Variants in TUSC3 observed in about 807,000 individuals in gnomAD.
TUSC3 encodes the protein dolichyl-diphosphooligosaccharide--protein glycosyltransferase subunit TUSC3.
Under a neutral mutation model 44.8 loss-of-function variants are expected in TUSC3, and 45 were observed. That is an observed-to-expected ratio of 1.00 (90% CI 0.79 to 1.29). The LOEUF (loss-of-function observed/expected upper bound fraction) is 1.29. Ranked by LOEUF, TUSC3 falls within the 50% of genes most tolerant of loss-of-function variation. The pLI is 0.00. For synonymous variants in TUSC3, 212 were observed against 152.9 expected (o/e 1.39, Z -2.85); for missense variants, 519 against 437.9 (o/e 1.19, Z -1.65).
At chr8:15,571,043 A>C (rs1051706249) in intron 1 of TUSC3, among the ~76,000 whole-genome samples, 1 of 129,148 alleles carries the variant, frequency 7.7e-6, no homozygotes, top group Non-Finnish European at 1.6e-5. Context: ...TGCAACCTCT[A>C]CCTCCTAGGT....
At position 15,699,382 on chromosome 8, in the gene TUSC3, A is replaced by G. The variant is rs185775133; in HGVS notation, c.798+25546A>G. On this transcript the variant is annotated intron_variant, in intron 6 of 10. Coordinates refer to ENST00000503731, the MANE Select transcript of TUSC3 (RefSeq NM_006765.4). ...GCAAACTTTTAGACTGCACTCTCTC[A>G]CCACTGTTTCTTGCTCTGTCTGTAC... Among the ~76,000 whole-genome samples the G allele has an allele frequency of 2.0e-5, 3 of 152,192 alleles. No individual in the cohort carries two copies. In the East Asian group the frequency reaches 5.8e-4, roughly 29 times the overall value.
At chr8:15,560,410 G>C (rs867006578) in intron 1 of TUSC3, among the ~76,000 whole-genome samples, 2 of 142,306 alleles carry the variant, frequency 1.4e-5, no homozygotes, top group Admixed American at 7.0e-5. Context: ...AGGGTAACCC[G>C]ACCTTTCTCT....
chr8:15,590,107 T>A (rs746847198), intron 1 of TUSC3, among the ~76,000 whole-genome samples: 56 of 152,208 alleles, frequency 3.7e-4, no homozygotes, highest in Admixed American at 7.9e-4. Flanking sequence ...TCACAAATTG[T>A]ATTGTAACAG....
At chr8:15,440,777 T>C (rs919778956) in intron 1 of TUSC3, among the ~76,000 whole-genome samples, 2 of 152,208 alleles carry the variant, frequency 1.3e-5, no homozygotes, top group African/African-American at 4.8e-5. Context: ...ATTCCAAAGA[T>C]TGTTCAGGAA....
chr8:15,470,881 C>T (rs1800483150), intron 1 of TUSC3, among the ~76,000 whole-genome samples: 2 of 152,192 alleles, frequency 1.3e-5, no homozygotes, highest in South Asian at 4.2e-4. Flanking sequence ...CTGGCCAGGG[C>T]TGGTTCCTGC....
intron 1 of TUSC3, among the ~76,000 whole-genome samples, chr8:15,574,471 C>T (rs1254982584): frequency 1.3e-5 from 2 of 152,112 alleles, no homozygotes; most frequent in African/African-American, 2.4e-5. Flanking sequence ...CAGACTCTCT[C>T]TTTTGCTTAG....
chr8:15,829,523 C>T, the TUSC3 span, among the ~76,000 whole-genome samples: 31 of 151,632 alleles, frequency 2.0e-4, no homozygotes, highest in African/African-American at 7.5e-4. Flanking sequence ...ATAAATGAGT[C>T]CTTTGTGATA....
At chr8:15,476,699 A>G (rs1453587540) in intron 1 of TUSC3, among the ~76,000 whole-genome samples, 1 of 152,220 alleles carries the variant, frequency 6.6e-6, no homozygotes, top group African/African-American at 2.4e-5. Flanking sequence ...TACCCTCCAC[A>G]GGGTGGGAGC....
rs143839839 is a variant in TUSC3 at position 15,669,275 on chromosome 8, C to T, written c.709-4472C>T. On this transcript the variant is annotated intron_variant, in intron 5 of 10. Transcript: ENST00000503731. ...CCATTGCTGAAACAATTGAATCCAA[C>T]ATTGCTAAAACTTTCATTCCATGAT... Among the ~76,000 whole-genome samples the T allele has an allele frequency of 6.4e-3, 965 of 151,898 alleles. 4 individuals carry two copies. The highest frequency in any genetic ancestry group is 0.014 in the Middle Eastern group (4 of 294).
rs145072265 is a variant in TUSC3, at chr8:15,592,333, A to G, written c.139-30747A>G. Reference sequence around the variant, plus strand: ...TGCTTATTAAGCTTTTTCTGTGTGAATAGCACTTGATACGGTTTGGATATT... The same window carrying G: ...TGCTTATTAAGCTTTTTCTGTGTGAGTAGCACTTGATACGGTTTGGATATT... On this transcript the variant is annotated intron_variant, in intron 1 of 10. Coordinates refer to ENST00000503731, the MANE Select transcript of TUSC3 (RefSeq NM_006765.4). 4.3e-4 allele frequency among the ~76,000 whole-genome samples: 66 copies of G among 152,332 alleles called. 1 individual carries two copies. The highest frequency in any genetic ancestry group is 3.4e-3 in the Middle Eastern group (1 of 294).
At position 15,754,636 on chromosome 8, in the gene TUSC3, C is replaced by G. The variant is rs1288050878; in HGVS notation, c.1029-3155C>G. Among the ~76,000 whole-genome samples the G allele has an allele frequency of 4.6e-5, 7 of 152,062 alleles. No individual in the cohort carries two copies. In the East Asian group the frequency reaches 1.4e-3, roughly 29 times the overall value. ...AGTAATGGCCTTTAGGCTCCAATGC[C>G]AAAGTACTTGCTTGGGTGTTATGCC... is the stretch of plus-strand genomic sequence containing the variant. On this transcript the variant is annotated intron_variant, in intron 9 of 10. Coordinates refer to ENST00000503731, the MANE Select transcript of TUSC3 (RefSeq NM_006765.4).
intron 1 of TUSC3, among the ~76,000 whole-genome samples, chr8:15,604,862 GGAA>G (rs2129156170): frequency 6.6e-6 from 1 of 151,876 alleles, no homozygotes; most frequent in Non-Finnish European, 1.5e-5. Context: ...ACAAGACCCA[GGAA>G]AATGGTTTTA....
chr8:15,617,140 T>A (rs1255858843), intron 1 of TUSC3, among the ~76,000 whole-genome samples: 632 of 8,088 alleles, frequency 0.078, 7 homozygotes, highest in Middle Eastern at 0.12. Context: ...GTGTATATAT[T>A]TTTTTTTTTT....
the TUSC3 span, among the ~76,000 whole-genome samples, chr8:15,831,746 A>G: frequency 6.6e-6 from 1 of 152,204 alleles, no homozygotes; most frequent in Non-Finnish European, 1.5e-5. Flanking sequence ...AATAGAGAAA[A>G]AAGAATGAAA....
At chr8:15,424,594 T>C (rs886427427) in intron 1 of TUSC3, among the ~76,000 whole-genome samples, 2 of 152,110 alleles carry the variant, frequency 1.3e-5, no homozygotes, top group African/African-American at 4.8e-5. Flanking sequence ...TAAAAAATCG[T>C]TAGTGGCTGG....
intron 3 of TUSC3, 167 bp downstream of exon 3, chr8:15,650,981 T>A: frequency 1.8e-6 from 1 of 568,130 alleles, no homozygotes; most frequent in Non-Finnish European, 3.1e-6. Context: ...AGAGCAAGAC[T>A]TTTACACACA....
chr8:15,482,432 G>A (rs10087154), intron 1 of TUSC3, among the ~76,000 whole-genome samples: 4 of 151,982 alleles, frequency 2.6e-5, no homozygotes, highest in East Asian at 1.9e-4. Flanking sequence ...CAGCTATAGC[G>A]TTATGAATGA....
At chr8:15,706,154 A>G (rs1296792754) in intron 6 of TUSC3, among the ~76,000 whole-genome samples, 4 of 152,028 alleles carry the variant, frequency 2.6e-5, no homozygotes, top group African/African-American at 9.7e-5. Context: ...ATAATATTGC[A>G]TACTGTTTCC....
intron 2 of TUSC3, among the ~76,000 whole-genome samples, chr8:15,632,541 G>C (rs1026766108): frequency 6.6e-6 from 1 of 152,092 alleles, no homozygotes; most frequent in African/African-American, 2.4e-5. Flanking sequence ...TAAGTGGCTT[G>C]GGAGGAAGGA....
Sources: gnomAD v4.1 joint callset for allele counts (sites outside exome capture counted in the v4.1 genomes callset) on GRCh38, gnomAD v4.1.1 for gene constraint, MANE v1.5 for transcripts, NCBI Gene and HGNC (gene_info 2026-07-23, HGNC 2026-07-21) for gene names.